The following KLF12 variants were observed in gnomAD, a reference collection of about 807,000 sequenced individuals.
The protein encoded by KLF12 is Krueppel-like factor 12.
Under a neutral mutation model 37.8 loss-of-function variants are expected in KLF12, and 9 were observed. That is an observed-to-expected ratio of 0.24 (90% CI 0.14 to 0.42). KLF12 has a LOEUF of 0.42. Ranked by LOEUF, KLF12 falls within the 10% of genes least tolerant of loss-of-function variation. The pLI, the probability that KLF12 is intolerant of heterozygous loss-of-function variation, is 1.00. For synonymous variants in KLF12, 208 were observed against 202.1 expected, an observed-to-expected ratio of 1.03 and a Z score of -0.25; for missense variants, 411 against 516.0, an observed-to-expected ratio of 0.80 and a Z score of 1.97.
chr13:73,900,823 T>C (rs1029392490), intron 3 of KLF12, among the ~76,000 whole-genome samples: 1 of 152,136 alleles, frequency 6.6e-6, no homozygotes, highest in African/African-American at 2.4e-5. Flanking sequence ...AGGAAAACAA[T>C]ATACTCCTCC....
chr13:73,903,930 C>T (rs1441298804), intron 3 of KLF12, among the ~76,000 whole-genome samples: 1 of 152,168 alleles, frequency 6.6e-6, no homozygotes, highest in Non-Finnish European at 1.5e-5. Context: ...CCATCTTCCA[C>T]TCCCACACCT....
chr13:73,925,902 G>A (rs1203259525), intron 3 of KLF12, among the ~76,000 whole-genome samples: 1 of 152,186 alleles, frequency 6.6e-6, no homozygotes, highest in Non-Finnish European at 1.5e-5. Context: ...GAAATAGCAA[G>A]AGAACTAGAA....
chr13:73,695,695 G>A (rs778564724), intron 7 of KLF12, 24 bp from the exon 8 acceptor site: 1 of 1,607,546 alleles, frequency 6.2e-7, no homozygotes, highest in Admixed American at 1.7e-5. Context: ...AGGAACACAA[G>A]CTTTGGTGCT....
At chr13:73,812,435 T>C (rs796926412) in intron 5 of KLF12, among the ~76,000 whole-genome samples, 30 of 151,088 alleles carry the variant, frequency 2.0e-4, no homozygotes, top group African/African-American at 6.5e-4. Flanking sequence ...AACTTAATTG[T>C]GGTAAACATT....
chr13:73,730,085 C>A (rs929151732), intron 6 of KLF12, among the ~76,000 whole-genome samples: 1 of 152,124 alleles, frequency 6.6e-6, no homozygotes, highest in African/African-American at 2.4e-5. Flanking sequence ...ACTACATAAA[C>A]CCATCTGAGG....
the KLF12 span, among the ~76,000 whole-genome samples, chr13:74,181,953 T>A: frequency 2.0e-5 from 3 of 152,190 alleles, no homozygotes; most frequent in Non-Finnish European, 2.9e-5. Context: ...CACATATATA[T>A]ATGCCTAACA....
At chr13:73,742,259 T>C (rs9318210) in intron 6 of KLF12, among the ~76,000 whole-genome samples, 2 of 151,938 alleles carry the variant, frequency 1.3e-5, no homozygotes, top group Admixed American at 6.6e-5. Context: ...GAACATACAC[T>C]TTTTTTTACT....
intron 4 of KLF12, among the ~76,000 whole-genome samples, chr13:73,838,323 C>G (rs1297260511): frequency 6.6e-6 from 1 of 152,144 alleles, no homozygotes; most frequent in East Asian, 1.9e-4. Flanking sequence ...TAGTCTACAG[C>G]CACATCCCTT....
the KLF12 span, among the ~76,000 whole-genome samples, chr13:74,251,712 T>C: frequency 6.6e-6 from 1 of 152,070 alleles, no homozygotes; most frequent in African/African-American, 2.4e-5. Flanking sequence ...TTCCCTACCA[T>C]GGAGAAGTTG....
intron 5 of KLF12, among the ~76,000 whole-genome samples, chr13:73,805,381 A>AC (rs1214876255): frequency 1.3e-5 from 2 of 151,982 alleles, no homozygotes; most frequent in Non-Finnish European, 2.9e-5. Flanking sequence ...ACATTTTGGG[A>AC]CACCGAGGCA....
chr13:73,735,365 A>G (rs529609375), intron 6 of KLF12, among the ~76,000 whole-genome samples: 6 of 152,174 alleles, frequency 3.9e-5, no homozygotes, highest in Non-Finnish European at 8.8e-5. Context: ...AATTTAAAAG[A>G]TATCATTCAA....
chr13:73,962,052 C>T (rs1263974607), intron 2 of KLF12: 2 of 452,948 alleles, frequency 4.4e-6, no homozygotes, highest in South Asian at 1.6e-5. Context: ...TATTCATAAT[C>T]CCCAAGGCTT....
At chr13:74,136,138 T>G (rs1340518526), upstream of KLF12, among the ~76,000 whole-genome samples, 2 of 151,958 alleles carry the variant, frequency 1.3e-5, no homozygotes, top group Admixed American at 1.3e-4. Context: ...TGTCTGAAAT[T>G]TGTGGAGCAC....
intron 4 of KLF12, among the ~76,000 whole-genome samples, chr13:73,824,380 A>G (rs892718882): frequency 1.3e-5 from 2 of 152,060 alleles, no homozygotes; most frequent in African/African-American, 4.8e-5. Context: ...TGGAAAGCAG[A>G]TATCTTAGAT....
At chr13:73,796,866 A>G (rs1397166123) in intron 5 of KLF12, among the ~76,000 whole-genome samples, 1 of 152,228 alleles carries the variant, frequency 6.6e-6, no homozygotes, top group African/African-American at 2.4e-5. Context: ...ACAATGGAAT[A>G]CTATTTAGCA....
intron 6 of KLF12, among the ~76,000 whole-genome samples, chr13:73,730,340 G>A (rs557508782): frequency 1.3e-5 from 2 of 152,236 alleles, no homozygotes; most frequent in African/African-American, 4.8e-5. Context: ...TTTGGCAAAA[G>A]TATAACAGCT....
chr13:74,294,479 C>T, the KLF12 span, among the ~76,000 whole-genome samples: 1 of 152,116 alleles, frequency 6.6e-6, no homozygotes, highest in Non-Finnish European at 1.5e-5. Flanking sequence ...AGTGATACTC[C>T]TGTCTCAGTC....
chr13:73,957,386 A>T (rs1890878035), intron 2 of KLF12, among the ~76,000 whole-genome samples: 1 of 152,226 alleles, frequency 6.6e-6, no homozygotes, highest in Admixed American at 6.5e-5. Flanking sequence ...TTTGCTTATT[A>T]GTTCAAGCAA....
At position 73,968,590 on chromosome 13, in the gene KLF12, G is replaced by A. The variant is rs116021915; in HGVS notation, c.34-24520C>T. Among the ~76,000 whole-genome samples the A allele has an allele frequency of 3.2e-3, 491 of 152,172 alleles. 2 individuals carry two copies. The highest frequency in any genetic ancestry group is 0.012 in the African/African-American group (478 of 41,514). On this transcript the variant is annotated intron_variant, in intron 2 of 7. Transcript: ENST00000377669. Reference sequence around the variant, plus strand: ...TGCAAAATGAATACTCTCATCTTGGGACTTTGACTTATTCAATGGTTTCAA... The same window carrying A: ...TGCAAAATGAATACTCTCATCTTGGAACTTTGACTTATTCAATGGTTTCAA...
Sources: gnomAD v4.1 joint callset for allele counts (sites outside exome capture counted in the v4.1 genomes callset) on GRCh38, gnomAD v4.1.1 for gene constraint, MANE v1.5 for transcripts, NCBI Gene and HGNC (gene_info 2026-07-23, HGNC 2026-07-21) for gene names.